Variants in DPF3 observed in about 807,000 individuals in gnomAD.
DPF3 encodes the protein zinc finger protein DPF3.
DPF3 carries 18 observed loss-of-function variants against 56.8 expected under a neutral mutation model. The ratio of observed to expected loss-of-function variants is 0.32; its 90% CI spans 0.22 to 0.47. The LOEUF is 0.47. Ranked by LOEUF, DPF3 falls within the 20% of genes least tolerant of loss-of-function variation. DPF3 has a pLI of 1.00. For missense variants in DPF3, 403 were observed against 488.8 expected (o/e 0.82, Z 1.65); for synonymous variants, 188 against 180.2 (o/e 1.04, Z -0.35).
At chr14:72,786,652 A>G (rs1892223320) in intron 1 of DPF3, among the ~76,000 whole-genome samples, 1 of 152,136 alleles carries the variant, frequency 6.6e-6, no homozygotes, top group Non-Finnish European at 1.5e-5. Flanking sequence ...AAAAGCCTCC[A>G]CCCTCAGAAT....
intron 7 of DPF3, among the ~76,000 whole-genome samples, chr14:72,685,319 T>A (rs1384167413): frequency 6.6e-6 from 1 of 152,200 alleles, no homozygotes; most frequent in Non-Finnish European, 1.5e-5. Flanking sequence ...CCCATTCACA[T>A]CTCAGCTTCC....
At chr14:72,671,453 A>G (rs375373078) in intron 8 of DPF3, 43 of 1,397,934 alleles carry the variant, frequency 3.1e-5, no homozygotes, top group Admixed American at 8.4e-5. Context: ...AACCATTTGC[A>G]CACCAAAGGG....
intron 2 of DPF3, among the ~76,000 whole-genome samples, chr14:72,757,883 T>C (rs1358489723): frequency 6.6e-6 from 1 of 151,928 alleles, no homozygotes; most frequent in Non-Finnish European, 1.5e-5. Flanking sequence ...ATTTAACAAA[T>C]GGGGATACAC....
In DPF3 at chr14:72,618,249, G is replaced by A. The variant is rs558924750; in HGVS notation, c.*1048C>T. ...CAGTCAGGTCTCAGTAGACAATAGC[G>A]AACAAACACTACGTGGAAGGAAGAA... On this transcript the variant is annotated 3_prime_UTR_variant, in exon 11 of 11. Transcript: ENST00000556509. 1.1e-3 allele frequency among the ~76,000 whole-genome samples: 169 copies of A among 152,256 alleles called. 1 individual carries two copies. Among genetic ancestry groups the A allele is most frequent in the African/African-American group, 3.9e-3 (164 of 41,542 alleles).
intron 1 of DPF3, among the ~76,000 whole-genome samples, chr14:72,847,161 G>A (rs1348211022): frequency 2.0e-5 from 3 of 152,186 alleles, no homozygotes; most frequent in Non-Finnish European, 4.4e-5. Context: ...TGACTTTCTT[G>A]AACACGTCTT....
At chr14:72,735,527 G>A (rs1332722940) in intron 3 of DPF3, among the ~76,000 whole-genome samples, 1 of 152,146 alleles carries the variant, frequency 6.6e-6, no homozygotes, top group African/African-American at 2.4e-5. Flanking sequence ...AAAGTGAAAT[G>A]GAAAAAGCAA....
chr14:72,812,923 G>T (rs148322978), intron 1 of DPF3, among the ~76,000 whole-genome samples: 52 of 152,254 alleles, frequency 3.4e-4, no homozygotes, highest in Non-Finnish European at 5.0e-4. Flanking sequence ...AGGGCCAGGG[G>T]CTCATAGGGA....
chr14:72,663,063 C>T (rs1381), intron 8 of DPF3, among the ~76,000 whole-genome samples: 2 of 148,654 alleles, frequency 1.3e-5, no homozygotes, highest in Non-Finnish European at 3.0e-5. Flanking sequence ...AGCATGAGAT[C>T]AGCCAGGAAT....
intron 6 of DPF3, among the ~76,000 whole-genome samples, chr14:72,713,380 GAC>G (rs1396019653): frequency 6.6e-6 from 1 of 152,168 alleles, no homozygotes; most frequent in East Asian, 1.9e-4. Flanking sequence ...GGAGACAAAA[GAC>G]ACCACCCCCA....
chr14:72,884,971 T>TATGTATATA (rs10523148), intron 1 of DPF3, among the ~76,000 whole-genome samples: 1 of 111,684 alleles, frequency 9.0e-6, no homozygotes, highest in Non-Finnish European at 1.9e-5. Context: ...TATATATATA[T>TATGTATATA]TAGCCGGGCG....
chr14:72,846,735 T>C (rs1322365629), intron 1 of DPF3, among the ~76,000 whole-genome samples: 1 of 152,102 alleles, frequency 6.6e-6, no homozygotes, highest in African/African-American at 2.4e-5. Context: ...AGCAGAGTTT[T>C]TAAATAACTT....
chr14:72,862,302 C>G (rs1885471058), intron 1 of DPF3, among the ~76,000 whole-genome samples: 1 of 152,190 alleles, frequency 6.6e-6, no homozygotes, highest in African/African-American at 2.4e-5. Context: ...GTGGAGCCCA[C>G]ACACACCTGC....
intron 1 of DPF3, among the ~76,000 whole-genome samples, chr14:72,828,277 C>T (rs1022602771): frequency 6.6e-6 from 1 of 152,116 alleles, no homozygotes; most frequent in Non-Finnish European, 1.5e-5. Flanking sequence ...CAGATCCTGC[C>T]TTCAACAGGT....
At chr14:72,723,471 G>C (rs1269581144) in intron 5 of DPF3, among the ~76,000 whole-genome samples, 162 bp downstream of exon 5, 1 of 152,064 alleles carries the variant, frequency 6.6e-6, no homozygotes, top group Non-Finnish European at 1.5e-5. Context: ...ACTCTTCCAG[G>C]CTACGACCTG....
At chr14:72,693,025 G>A (rs1488966408) in intron 7 of DPF3, 51 bp downstream of exon 7, 11 of 1,608,308 alleles carry the variant, frequency 6.8e-6, no homozygotes, top group African/African-American at 2.7e-5. Context: ...ACGCTCCCCA[G>A]CCTGTCTAAC....
intron 1 of DPF3, among the ~76,000 whole-genome samples, chr14:72,874,929 G>A (rs759794493): frequency 6.6e-6 from 1 of 152,178 alleles, no homozygotes; most frequent in African/African-American, 2.4e-5. Flanking sequence ...ACATACCTGA[G>A]ACTGGGAAGA....
intron 1 of DPF3, among the ~76,000 whole-genome samples, chr14:72,875,016 T>C (rs1252263516): frequency 6.6e-6 from 1 of 152,094 alleles, no homozygotes; most frequent in Non-Finnish European, 1.5e-5. Flanking sequence ...GAAAGACACT[T>C]CTTATATGGC....
At chr14:72,768,032 C>T (rs1567226553) in intron 2 of DPF3, among the ~76,000 whole-genome samples, 1 of 152,146 alleles carries the variant, frequency 6.6e-6, no homozygotes, top group African/African-American at 2.4e-5. Context: ...ACTATCAACT[C>T]AGAATTTTAT....
chr14:72,789,339 G>A (rs1004867944), intron 1 of DPF3, among the ~76,000 whole-genome samples: 2 of 152,174 alleles, frequency 1.3e-5, no homozygotes, highest in African/African-American at 4.8e-5. Flanking sequence ...GACAGCTTCA[G>A]TCACAGGCCC....
Sources: gnomAD v4.1 joint callset for allele counts (sites outside exome capture counted in the v4.1 genomes callset) on GRCh38, gnomAD v4.1.1 for gene constraint, MANE v1.5 for transcripts, NCBI Gene and HGNC (gene_info 2026-07-23, HGNC 2026-07-21) for gene names.